Variants in LCOR observed in about 807,000 individuals in gnomAD.
LCOR encodes ligand dependent nuclear receptor corepressor.
LCOR carries 14 observed loss-of-function variants against 64.4 expected under a neutral mutation model. The observed-to-expected ratio is 0.22, with a 90% CI of 0.14 to 0.34. LCOR has a LOEUF of 0.34. LCOR is among the 10% of genes least tolerant of loss of function. The pLI, the probability that LCOR is intolerant of heterozygous loss-of-function variation, is 1.00. For missense variants in LCOR, 1,686 were observed against 1,765.3 expected, an observed-to-expected ratio of 0.96 and a Z score of 0.80; for synonymous variants, 643 against 642.5, an observed-to-expected ratio of 1.00 and a Z score of -0.01.
intron 4 of LCOR, among the ~76,000 whole-genome samples, chr10:96,938,256 C>T (rs1355641900): frequency 6.6e-6 from 1 of 152,190 alleles, no homozygotes; most frequent in East Asian, 1.9e-4. Context: ...TGGTTTTTAA[C>T]ACTCTTAATT....
intron 7 of LCOR, among the ~76,000 whole-genome samples, chr10:96,964,639 G>A (rs1480388798): frequency 6.6e-6 from 1 of 152,000 alleles, no homozygotes; most frequent in Non-Finnish European, 1.5e-5. Context: ...GTGCAATATT[G>A]CGTTGTAAAC....
intron 7 of LCOR, chr10:96,959,555 GAC>G (rs1237625355): frequency 6.6e-6 from 1 of 152,066 alleles, no homozygotes; most frequent in Non-Finnish European, 1.5e-5. Flanking sequence ...TCATTTCTGA[GAC>G]AGCATAGTCA....
chr10:96,843,573 C>T (rs937818514), intron 2 of LCOR, among the ~76,000 whole-genome samples: 4 of 152,090 alleles, frequency 2.6e-5, no homozygotes, highest in African/African-American at 7.2e-5. Context: ...TCTTGTCCAG[C>T]CATATCATTT....
chr10:96,937,083 C>T (rs375010810), intron 4 of LCOR, among the ~76,000 whole-genome samples: 1 of 152,164 alleles, frequency 6.6e-6, no homozygotes, highest in African/African-American at 2.4e-5. Flanking sequence ...ATGATGAAGT[C>T]ATGTTGGATT....
At chr10:96,920,472 A>ATATATGTATGTATATTCATATATATGTG (rs1847035730) in intron 4 of LCOR, among the ~76,000 whole-genome samples, 2 of 131,260 alleles carry the variant, frequency 1.5e-5, no homozygotes, top group African/African-American at 6.6e-5. Context: ...ATATATGTGT[A>ATATATGTATGTATATTCATATATATGTG]TATATATGTA....
chr10:96,983,023 C>T lies in LCOR; in HGVS notation c.2563C>T (p.Arg855Cys), dbSNP rs775336079. ...AGTTCCTAAAAATCCTAGTGCAAAACGTTCAAAAAAAGAAGGGCACCCTGG... is the reference window on the plus strand; with the variant it reads ...AGTTCCTAAAAATCCTAGTGCAAAATGTTCAAAAAAAGAAGGGCACCCTGG... ...IKVPKNPSAK[R>C]SKKEGHPGGT... The change falls in exon 8 of 8, where the codon CGT becomes TGT. Residue 855 changes from arginine (R) to cysteine (C), a missense_variant. Physicochemically the swap from Arg to Cys is radical, Grantham distance 180. This residue lies in a region of LCOR where 1,293 missense variants were observed against 1,410.4 expected (regional missense o/e 0.92). Transcript: ENST00000421806. This position sits in a 1 kb window ranked among gnomAD's most constrained non-coding sequence, Gnocchi z 4.5. 7 of 1,613,698 alleles carry T rather than the reference C, an allele frequency of 4.3e-6. No individual in the cohort carries two copies. The highest frequency in any genetic ancestry group is 1.3e-5 in the African/African-American group (1 of 74,946).
chr10:96,971,492 C>G (rs1279226418), intron 7 of LCOR, among the ~76,000 whole-genome samples: 1 of 152,068 alleles, frequency 6.6e-6, no homozygotes, highest in Non-Finnish European at 1.5e-5. Context: ...ATGGAGAAGA[C>G]GGTTAGGTCA....
At position 96,832,360 on chromosome 10, in the gene LCOR, G is replaced by A. The variant is rs1340980754; in HGVS notation, c.-443G>A. On this transcript the variant is annotated 5_prime_UTR_variant, in exon 1 of 8. Coordinates refer to ENST00000421806, the MANE Select transcript of LCOR (RefSeq NM_001346516.2). Reference sequence around the variant, plus strand: ...CGTTGAGAGACGCGGCTTTCGGCAAGAACTGGATTCGTGGCGCCACAAGCT... The same window carrying A: ...CGTTGAGAGACGCGGCTTTCGGCAAAAACTGGATTCGTGGCGCCACAAGCT... 6.1e-6 allele frequency: 6 copies of A among 985,042 alleles called. No homozygotes were observed. The highest frequency in any genetic ancestry group is 1.8e-5 in the African/African-American group (1 of 57,140). 61.0% of individuals were successfully genotyped at this position (985,042 alleles called of 1,614,324 possible).
At chr10:96,857,158 C>T (rs1172506042) in intron 2 of LCOR, among the ~76,000 whole-genome samples, 1 of 151,916 alleles carries the variant, frequency 6.6e-6, no homozygotes, top group Non-Finnish European at 1.5e-5. Context: ...TTATTTCTAT[C>T]TCACAAGACA....
chr10:96,926,174 C>T (rs938549854), intron 4 of LCOR, among the ~76,000 whole-genome samples: 4 of 152,016 alleles, frequency 2.6e-5, no homozygotes, highest in Admixed American at 1.3e-4. Flanking sequence ...CCCTTTTTTG[C>T]CCATCTGCAT....
intron 7 of LCOR, among the ~76,000 whole-genome samples, chr10:96,953,433 T>C (rs550316037): frequency 1.3e-5 from 2 of 152,022 alleles, no homozygotes; most frequent in Non-Finnish European, 2.9e-5. Flanking sequence ...GCACCTGTAG[T>C]CCAGCTACTA....
Position 96,980,823 on chromosome 10 carries a change from T to G in LCOR, c.363T>G (p.Asp121Glu). The G allele has an allele frequency of 2.8e-6, 2 of 702,844 alleles. No homozygotes were observed. The highest frequency in any genetic ancestry group is 5.2e-6 in the Non-Finnish European group (2 of 384,894). The allele number at this position is 702,844 out of a possible 1,614,324, so 43.5% of individuals were successfully genotyped here. ...ACTCAACAGAGGCAAAAGCAGTAGA[T>G]TCTAACAATCAGTCGAAGTCCCCAC... ...GENSTEAKAVDSNNQSKSPLE... is the reference protein window; with the variant it reads ...GENSTEAKAVESNNQSKSPLE... The change falls in exon 8 of 8, where the codon GAT becomes GAG. Residue 121 changes from aspartate to glutamate, a missense_variant. Physicochemically the swap from Asp to Glu is conservative, Grantham distance 45. Around this residue, in one of 3 missense-constraint regions of LCOR, gnomAD observed 313 missense variants for 247.2 expected, o/e 1.27. Transcript: ENST00000421806.
At chr10:96,842,355 C>T (rs1845555988) in intron 2 of LCOR, among the ~76,000 whole-genome samples, 1 of 152,074 alleles carries the variant, frequency 6.6e-6, no homozygotes, top group Non-Finnish European at 1.5e-5. Context: ...GATTGCGCCT[C>T]TGCACTCCAG....
In LCOR at chr10:96,916,118, G is replaced by A. The variant is rs527304258; in HGVS notation, c.-184+8371G>A. On this transcript the variant is annotated intron_variant, in intron 4 of 7. Transcript: ENST00000421806. ...GCAATCTGGGCTCACTGCAAGCTCC[G>A]CCTCCCGGGTTCACCCAATTCTCCT... is the stretch of plus-strand genomic sequence containing the variant. Among the ~76,000 whole-genome samples the A allele has an allele frequency of 3.8e-4, 58 of 152,136 alleles. No homozygotes were observed. In the East Asian group the frequency reaches 9.5e-3, roughly 25 times the overall value.
intron 2 of LCOR, among the ~76,000 whole-genome samples, chr10:96,846,794 T>G (rs1458540193): frequency 6.6e-6 from 1 of 152,184 alleles, no homozygotes; most frequent in South Asian, 2.1e-4. Context: ...CCATGGCTTA[T>G]GGCTGCAAAT....
At chr10:96,872,606 G>A (rs1357782709) in intron 2 of LCOR, among the ~76,000 whole-genome samples, 1 of 152,130 alleles carries the variant, frequency 6.6e-6, no homozygotes, top group East Asian at 1.9e-4. Flanking sequence ...GATTGCTTAA[G>A]CCTGGGAGGT....
chr10:96,861,491 A>G (rs1845886990), intron 2 of LCOR, among the ~76,000 whole-genome samples: 1 of 152,124 alleles, frequency 6.6e-6, no homozygotes, highest in African/African-American at 2.4e-5. Context: ...CCCCACCAAT[A>G]AGCAGGCATT....
chr10:96,920,459 TTC>T (rs1377949588), intron 4 of LCOR, among the ~76,000 whole-genome samples: 3 of 8,872 alleles, frequency 3.4e-4, no homozygotes, highest in South Asian at 9.3e-3. Flanking sequence ...TATATGTATA[TTC>T]ATATATGTGT....
chr10:96,838,282 A>G (rs1387795585), intron 2 of LCOR, among the ~76,000 whole-genome samples: 1 of 152,096 alleles, frequency 6.6e-6, no homozygotes, highest in African/African-American at 2.4e-5. Context: ...TAATTCCAGA[A>G]CATTTTATTT....
Sources: allele counts gnomAD v4.1 joint callset (sites outside exome capture counted in the v4.1 genomes callset), GRCh38; gene constraint gnomAD v4.1.1; regional missense constraint gnomAD v4.1.1; non-coding constraint Gnocchi (gnomAD v3.1); transcripts MANE v1.5; gene names NCBI Gene and HGNC (gene_info 2026-07-23, HGNC 2026-07-21).